ATXN7L1: variants seen among roughly 807,000 people sequenced by gnomAD.
The protein encoded by ATXN7L1 is ataxin-7-like protein 1.
Under a neutral mutation model 70.8 loss-of-function variants are expected in ATXN7L1, and 15 were observed. The observed-to-expected ratio is 0.21, with a 90% CI of 0.14 to 0.33. ATXN7L1 has a LOEUF of 0.33. ATXN7L1 is among the 10% of genes least tolerant of loss of function. The pLI, the probability that ATXN7L1 is intolerant of heterozygous loss-of-function variation, is 1.00. For missense variants in ATXN7L1, 975 were observed against 1,097.1 expected (o/e 0.89, Z 1.57); for synonymous variants, 440 against 445.1 (o/e 0.99, Z 0.14).
intron 3 of ATXN7L1, among the ~76,000 whole-genome samples, chr7:105,765,854 G>T (rs1801179115): frequency 6.6e-6 from 1 of 152,066 alleles, no homozygotes; most frequent in South Asian, 2.1e-4. Flanking sequence ...CTTTCTCAAG[G>T]TGTCTCAAAG....
intron 2 of ATXN7L1, among the ~76,000 whole-genome samples, chr7:105,844,047 G>A (rs560483195): frequency 1.7e-4 from 26 of 152,234 alleles, no homozygotes; most frequent in African/African-American, 5.3e-4. Flanking sequence ...TGGTGTCAGC[G>A]AGGGATGTTG....
At chr7:105,844,311 C>T (rs1731222149) in intron 2 of ATXN7L1, among the ~76,000 whole-genome samples, 1 of 152,096 alleles carries the variant, frequency 6.6e-6, no homozygotes, top group Admixed American at 6.5e-5. Context: ...CCCTTCTGAA[C>T]ATAGACATAA....
chr7:105,860,636 G>T (rs966253115), intron 2 of ATXN7L1, among the ~76,000 whole-genome samples: 6 of 152,154 alleles, frequency 3.9e-5, no homozygotes, highest in Non-Finnish European at 7.3e-5. Context: ...TTTGTAAGGT[G>T]AAAAGAGTTA....
At chr7:105,858,695 A>T (rs550706109) in intron 2 of ATXN7L1, among the ~76,000 whole-genome samples, 1 of 152,158 alleles carries the variant, frequency 6.6e-6, no homozygotes, top group Non-Finnish European at 1.5e-5. Context: ...TTAATGAAGC[A>T]CTCAGAATCA....
intron 3 of ATXN7L1, among the ~76,000 whole-genome samples, chr7:105,743,044 C>A (rs1798191068): frequency 6.6e-6 from 1 of 152,152 alleles, no homozygotes; most frequent in Non-Finnish European, 1.5e-5. Context: ...CATTGCTTTT[C>A]AAATTAGAAT....
In ATXN7L1 at chr7:105,854,302, C is replaced by G. The variant is rs375376709; in HGVS notation, c.250+21510G>C. ...CAAAATGCAACTGGTGGGACCACCTCTCCTCCCGCTAGTGGCCAGAAACAG... is the reference window on the plus strand; with the variant it reads ...CAAAATGCAACTGGTGGGACCACCTGTCCTCCCGCTAGTGGCCAGAAACAG... On this transcript the variant is annotated intron_variant, in intron 2 of 11. Transcript: ENST00000419735. 9.2e-5 allele frequency among the ~76,000 whole-genome samples: 14 copies of G among 152,232 alleles called. No homozygotes were observed. In the South Asian group the frequency reaches 2.7e-3, roughly 29 times the overall value.
chr7:105,766,827 C>T (rs1479795025), intron 3 of ATXN7L1, among the ~76,000 whole-genome samples: 4 of 152,208 alleles, frequency 2.6e-5, no homozygotes, highest in African/African-American at 9.6e-5. Context: ...GGTGTACACC[C>T]AGGGGGAACC....
At chr7:105,865,711 A>AT (rs1364636680) in intron 2 of ATXN7L1, among the ~76,000 whole-genome samples, 1 of 152,018 alleles carries the variant, frequency 6.6e-6, no homozygotes, top group Non-Finnish European at 1.5e-5. Flanking sequence ...CATTTTCACC[A>AT]TTTTTTATGT....
chr7:105,671,132 A>G (rs956720079), intron 3 of ATXN7L1, among the ~76,000 whole-genome samples: 18 of 128,082 alleles, frequency 1.4e-4, no homozygotes, highest in Non-Finnish European at 2.2e-4. Flanking sequence ...AAAAAAAAAA[A>G]ATTAGCCGGG....
At chr7:105,870,298 A>C (rs1000436955) in intron 2 of ATXN7L1, among the ~76,000 whole-genome samples, 5 of 151,816 alleles carry the variant, frequency 3.3e-5, no homozygotes, top group African/African-American at 7.3e-5. Context: ...AAAAAAAAAA[A>C]ATTTGATATC....
At chr7:105,738,016 G>A (rs1324366371) in intron 3 of ATXN7L1, among the ~76,000 whole-genome samples, 1 of 152,178 alleles carries the variant, frequency 6.6e-6, no homozygotes, top group African/African-American at 2.4e-5. Flanking sequence ...CCAGCAACAT[G>A]GAGCAGACAC....
At chr7:105,758,683 GA>G (rs1457582060) in intron 3 of ATXN7L1, among the ~76,000 whole-genome samples, 8 of 152,202 alleles carry the variant, frequency 5.3e-5, no homozygotes, top group Non-Finnish European at 1.0e-4. Flanking sequence ...GTCTACCGCA[GA>G]ATGCAGGTGT....
At chr7:105,816,013 C>T (rs1228579581) in intron 2 of ATXN7L1, among the ~76,000 whole-genome samples, 3 of 152,120 alleles carry the variant, frequency 2.0e-5, no homozygotes, top group Admixed American at 2.0e-4. Flanking sequence ...TGGTTGGCTC[C>T]CTAGTGAATA....
chr7:105,792,060 T>G (rs1585017347), intron 2 of ATXN7L1, among the ~76,000 whole-genome samples: 1 of 152,170 alleles, frequency 6.6e-6, no homozygotes, highest in East Asian at 1.9e-4. Context: ...CCCATTCTTC[T>G]GTATTCCTCC....
At chr7:105,759,484 G>GTGTGTGTGTGTGTGTGTGTGTT (rs1554453050) in intron 3 of ATXN7L1, among the ~76,000 whole-genome samples, 7 of 135,626 alleles carry the variant, frequency 5.2e-5, no homozygotes, top group African/African-American at 8.6e-5. Context: ...GTGTGTGTGT[G>GTGTGTGTGTGTGTGTGTGTGTT]TGTGTGTATG....
intron 5 of ATXN7L1, among the ~76,000 whole-genome samples, chr7:105,641,212 CTCTTTTTTTTTTTTTTT>C (rs1241634665): frequency 4.2e-4 from 27 of 64,034 alleles, no homozygotes; most frequent in African/African-American, 1.4e-3. Context: ...CTCTCTCTCT[CTCTTTTTTTTTTTTTTT>C]TTTTTTTTTT....
At chr7:105,715,495 C>T (rs79317188) in intron 3 of ATXN7L1, among the ~76,000 whole-genome samples, 8,706 of 152,294 alleles carry the variant, frequency 0.057, 305 homozygotes, top group South Asian at 0.15. Flanking sequence ...CTTTGGCTGC[C>T]AAGCCAAGGG....
chr7:105,875,735 C>G, intron 2 of ATXN7L1, 77 bp downstream of exon 2: 1 of 1,379,504 alleles, frequency 7.2e-7, no homozygotes, highest in African/African-American at 1.5e-5. Context: ...CCCAGCAGAA[C>G]AATTCACATT....
chr7:105,748,961 G>C (rs1281881405), intron 3 of ATXN7L1, among the ~76,000 whole-genome samples: 1 of 152,220 alleles, frequency 6.6e-6, no homozygotes, highest in Non-Finnish European at 1.5e-5. Context: ...AGGAATGTGA[G>C]GAGTGAGAGA....
Sources: allele counts gnomAD v4.1 joint callset (sites outside exome capture counted in the v4.1 genomes callset), GRCh38; gene constraint gnomAD v4.1.1; transcripts MANE v1.5; gene names NCBI Gene and HGNC (gene_info 2026-07-23, HGNC 2026-07-21).